Variants in NAV3 observed in about 807,000 individuals in gnomAD.
NAV3 encodes the protein neuron navigator 3.
In NAV3, 87 loss-of-function variants were observed where a neutral mutation model predicts 244.7. The ratio of observed to expected loss-of-function variants is 0.36; its 90% CI spans 0.30 to 0.42. The LOEUF (loss-of-function observed/expected upper bound fraction) is 0.42, where lower values mean the gene tolerates loss of function less well. NAV3 is among the 20% of genes least tolerant of loss of function. The pLI, the probability that NAV3 is intolerant of heterozygous loss-of-function variation, is 1.00. For missense variants in NAV3, 2,663 were observed against 2,893.3 expected, an observed-to-expected ratio of 0.92 and a Z score of 1.83; for synonymous variants, 1,126 against 1,042.2, an observed-to-expected ratio of 1.08 and a Z score of -1.55.
At chr12:78,011,492 C>T (rs1875269383) in intron 8 of NAV3, among the ~76,000 whole-genome samples, 1 of 151,830 alleles carries the variant, frequency 6.6e-6, no homozygotes, top group Admixed American at 6.6e-5. Flanking sequence ...ATGGAGTAAA[C>T]TAATGCATCA....
intron 1 of NAV3, among the ~76,000 whole-genome samples, chr12:77,889,713 G>T (rs992288458): frequency 8.5e-5 from 13 of 152,128 alleles, no homozygotes; most frequent in Admixed American, 6.6e-5. Context: ...TGTTAGTAGA[G>T]ATGTAAATTA....
chr12:78,130,786 C>G (rs1956129812), intron 18 of NAV3: 1 of 156,542 alleles, frequency 6.4e-6, no homozygotes, highest in African/African-American at 2.4e-5. Context: ...ACAATCACAA[C>G]TCCATTCTTC....
chr12:77,904,158 G>C (rs192933888), intron 1 of NAV3, among the ~76,000 whole-genome samples: 39 of 152,240 alleles, frequency 2.6e-4, no homozygotes, highest in Admixed American at 2.0e-3. Context: ...TATATCCAAA[G>C]ATTATAAATC....
chr12:77,572,578 G>A (rs909331942), intron 2 of NAV3, among the ~76,000 whole-genome samples: 5 of 152,164 alleles, frequency 3.3e-5, no homozygotes, highest in Admixed American at 3.3e-4. Context: ...GGTGAGGCAT[G>A]AGTCACAGGC....
intron 2 of NAV3, among the ~76,000 whole-genome samples, chr12:77,629,220 CA>C (rs1248810755): frequency 9.9e-5 from 15 of 152,126 alleles, no homozygotes; most frequent in Admixed American, 5.2e-4. Context: ...AGTGTAGTAA[CA>C]AGATCCCAAC....
At chr12:77,801,710 C>T (rs778277581) in intron 2 of NAV3, among the ~76,000 whole-genome samples, 5 of 151,976 alleles carry the variant, frequency 3.3e-5, no homozygotes, top group Non-Finnish European at 7.4e-5. Flanking sequence ...ATACAGAAGC[C>T]TGAATTTTTT....
intron 20 of NAV3, among the ~76,000 whole-genome samples, chr12:78,141,814 TG>T (rs1956628245): frequency 6.6e-6 from 1 of 152,162 alleles, no homozygotes; most frequent in African/African-American, 2.4e-5. Context: ...TTCCTCCTGT[TG>T]GGCCAGCACT....
chr12:78,026,976 C>G (rs1349874062), intron 9 of NAV3, among the ~76,000 whole-genome samples: 1 of 152,134 alleles, frequency 6.6e-6, no homozygotes, highest in Non-Finnish European at 1.5e-5. Context: ...CAATTATACT[C>G]AACTGAAGGG....
At chr12:77,797,687 A>G (rs1224748505) in intron 2 of NAV3, among the ~76,000 whole-genome samples, 1 of 151,496 alleles carries the variant, frequency 6.6e-6, no homozygotes, top group African/African-American at 2.4e-5. Flanking sequence ...CTACAAATAC[A>G]ACAATTAGCC....
At chr12:78,137,409 C>A (rs1315907796) in intron 19 of NAV3, 44 bp downstream of exon 19, 4 of 1,530,842 alleles carry the variant, frequency 2.6e-6, no homozygotes, top group South Asian at 1.2e-5. Context: ...TTTATTTAAA[C>A]CCTGAGAGGG....
At chr12:77,944,343 G>A (rs1048187918) in intron 3 of NAV3, among the ~76,000 whole-genome samples, 35 of 152,158 alleles carry the variant, frequency 2.3e-4, no homozygotes, top group African/African-American at 8.0e-4. Context: ...GGATTATAAA[G>A]TAAGTAAGTG....
At chr12:78,083,173 TG>T (rs1953448866) in intron 12 of NAV3, among the ~76,000 whole-genome samples, 1 of 152,174 alleles carries the variant, frequency 6.6e-6, no homozygotes, top group Non-Finnish European at 1.5e-5. Context: ...GGGCATCACA[TG>T]GTGAGGGGCA....
At position 78,185,631 on chromosome 12, in the gene NAV3, C is replaced by G. The variant is rs2139804019; in HGVS notation, c.5723C>G (p.Thr1908Ser). 6.2e-7 allele frequency: 1 copy of G among 1,608,496 alleles called. No individual in the cohort carries two copies. The highest frequency in any genetic ancestry group is 8.5e-7 in the Non-Finnish European group (1 of 1,177,348). Reference protein sequence around the residue: ...DILLDDAGDATGHKDGRSVKI... With the variant: ...DILLDDAGDASGHKDGRSVKI... The stretch of plus-strand genomic sequence containing the variant: ...TTGCTAGATGATGCTGGTGATGCAA[C>G]TGGACATAAAGATGGCCGCAGTGTG... Residue 1908 changes from threonine (T) to serine (S), a missense_variant, in exon 31 of 40, where the codon ACT becomes AGT. This residue lies in a region of NAV3 where 543 missense variants were observed against 672.4 expected (regional missense o/e 0.81). Coordinates refer to ENST00000397909, the MANE Select transcript of NAV3 (RefSeq NM_001024383.2).
chr12:77,789,298 T>A (rs1871059422), intron 2 of NAV3, among the ~76,000 whole-genome samples: 1 of 60,798 alleles, frequency 1.6e-5, no homozygotes, highest in South Asian at 9.6e-4. Flanking sequence ...CTTGGTTTAT[T>A]AATCTTTAGC....
chr12:77,693,259 A>G (rs1875121352), intron 2 of NAV3, among the ~76,000 whole-genome samples: 1 of 152,110 alleles, frequency 6.6e-6, no homozygotes, highest in Non-Finnish European at 1.5e-5. Context: ...TTATTTTACA[A>G]AAGAAATAAT....
At chr12:77,731,064 C>T (rs1877108166) in intron 2 of NAV3, among the ~76,000 whole-genome samples, 2 of 151,884 alleles carry the variant, frequency 1.3e-5, no homozygotes, top group African/African-American at 4.8e-5. Flanking sequence ...AATTCTTCCA[C>T]TCATACAACT....
intron 2 of NAV3, among the ~76,000 whole-genome samples, chr12:77,776,715 A>G (rs973714354): frequency 6.6e-6 from 1 of 152,164 alleles, no homozygotes; most frequent in Non-Finnish European, 1.5e-5. Context: ...TACTCAAACC[A>G]TGATTAATAG....
chr12:78,187,911 C>CT (rs1234132074), intron 31 of NAV3, among the ~76,000 whole-genome samples: 1 of 151,968 alleles, frequency 6.6e-6, no homozygotes, highest in Non-Finnish European at 1.5e-5. Context: ...AAAGTATGCA[C>CT]TGCATTATAA....
At chr12:78,047,188 CT>C (rs1159258008) in intron 9 of NAV3, among the ~76,000 whole-genome samples, 1 of 152,040 alleles carries the variant, frequency 6.6e-6, no homozygotes, top group Non-Finnish European at 1.5e-5. Flanking sequence ...TGAAAATCCT[CT>C]GCTTTAAGAA....
Sources: allele counts gnomAD v4.1 joint callset (sites outside exome capture counted in the v4.1 genomes callset), GRCh38; gene constraint gnomAD v4.1.1; regional missense constraint gnomAD v4.1.1; transcripts MANE v1.5; gene names NCBI Gene and HGNC (gene_info 2026-07-23, HGNC 2026-07-21).